The following TYW1 variants were observed in gnomAD, a reference collection of about 807,000 sequenced individuals.
TYW1 encodes tRNA-yW synthesizing protein 1 homolog.
Under a neutral mutation model 96.2 loss-of-function variants are expected in TYW1, and 46 were observed. The observed-to-expected ratio is 0.48, with a 90% CI of 0.38 to 0.61. The LOEUF (loss-of-function observed/expected upper bound fraction) is 0.61, where lower values mean the gene tolerates loss of function less well. TYW1 is among the 20% of genes least tolerant of loss of function. TYW1 has a pLI of 0.00. For synonymous variants in TYW1, 274 were observed against 323.0 expected (o/e 0.85, Z 1.63); for missense variants, 684 against 909.6 (o/e 0.75, Z 3.19).
At chr7:67,181,514 A>T (rs1799841242) in intron 13 of TYW1, among the ~76,000 whole-genome samples, 1 of 152,144 alleles carries the variant, frequency 6.6e-6, no homozygotes, top group African/African-American at 2.4e-5. Context: ...TCTTCAATGA[A>T]GGTCTCAAGT....
At chr7:67,006,143 A>C (rs1398303769) in intron 3 of TYW1, among the ~76,000 whole-genome samples, 2 of 152,002 alleles carry the variant, frequency 1.3e-5, no homozygotes, top group African/African-American at 4.8e-5. Flanking sequence ...AGGTGCTTAG[A>C]TCTTGAGGGC....
At chr7:67,207,717 CTTTTTTTTTTT>C (rs749961615) in intron 15 of TYW1, among the ~76,000 whole-genome samples, 2 of 103,462 alleles carry the variant, frequency 1.9e-5, no homozygotes, top group African/African-American at 3.5e-5. Context: ...TTTTGTTTGC[CTTTTTTTTTTT>C]TTTTTTTTTG....
chr7:67,146,220 A>T (rs1420061911), intron 13 of TYW1, among the ~76,000 whole-genome samples: 1 of 152,150 alleles, frequency 6.6e-6, no homozygotes, highest in Non-Finnish European at 1.5e-5. Context: ...TTTCTTCATA[A>T]TGATAGATTG....
At chr7:67,079,468 T>G (rs1313628691) in intron 10 of TYW1, among the ~76,000 whole-genome samples, 1 of 149,778 alleles carries the variant, frequency 6.7e-6, no homozygotes, top group Non-Finnish European at 1.5e-5. Flanking sequence ...TTTTTTTGTT[T>G]CTGATTATAT....
chr7:67,164,952 C>T (rs1453388940), intron 13 of TYW1, among the ~76,000 whole-genome samples: 1 of 151,586 alleles, frequency 6.6e-6, no homozygotes, highest in Non-Finnish European at 1.5e-5. Context: ...TTCATCATGT[C>T]CATAGGCTAC....
chr7:67,154,969 CT>C (rs1208008169), intron 13 of TYW1, among the ~76,000 whole-genome samples: 1 of 152,050 alleles, frequency 6.6e-6, no homozygotes, highest in African/African-American at 2.4e-5. Flanking sequence ...TGTTGATGCT[CT>C]TGATTTTATT....
At chr7:67,087,004 G>A (rs2115794200) in intron 11 of TYW1, among the ~76,000 whole-genome samples, 1 of 152,272 alleles carries the variant, frequency 6.6e-6, no homozygotes, top group South Asian at 2.1e-4. Flanking sequence ...AATGAACTGT[G>A]TCTCGGGCAG....
At chr7:67,075,887 C>A (rs777121000) in intron 10 of TYW1, among the ~76,000 whole-genome samples, 8 of 152,192 alleles carry the variant, frequency 5.3e-5, no homozygotes, top group Non-Finnish European at 1.2e-4. Flanking sequence ...ATAGTAACTT[C>A]TCTTAGAAGC....
intron 12 of TYW1, chr7:67,114,443 T>C (rs1797527028): frequency 6.5e-6 from 1 of 152,746 alleles, no homozygotes; most frequent in African/African-American, 2.4e-5. Context: ...CACATTTTTA[T>C]ATATGATAAT....
chr7:67,069,233 A>G (rs1262139410), intron 10 of TYW1, among the ~76,000 whole-genome samples: 1 of 152,172 alleles, frequency 6.6e-6, no homozygotes, highest in Non-Finnish European at 1.5e-5. Context: ...AATGGGATTG[A>G]CTATTTTGAA....
chr7:67,045,020 T>G (rs1433508307), intron 7 of TYW1, among the ~76,000 whole-genome samples: 3 of 152,164 alleles, frequency 2.0e-5, no homozygotes, highest in Non-Finnish European at 2.9e-5. Context: ...AAATGTATGT[T>G]TTGGTAAGAA....
chr7:67,005,371 G>A (rs541253131), intron 3 of TYW1, among the ~76,000 whole-genome samples: 32 of 152,294 alleles, frequency 2.1e-4, no homozygotes, highest in African/African-American at 7.5e-4. Context: ...CAAGGCAGGT[G>A]GATCACTTGA....
chr7:67,111,439 G>A (rs1261022362), intron 12 of TYW1, among the ~76,000 whole-genome samples: 5 of 152,184 alleles, frequency 3.3e-5, no homozygotes, highest in Admixed American at 3.3e-4. Context: ...GACCTCAAGT[G>A]ATCTGCCCCT....
intron 9 of TYW1, among the ~76,000 whole-genome samples, chr7:67,065,119 G>A (rs1584517814): frequency 1.3e-5 from 2 of 152,260 alleles, no homozygotes; most frequent in East Asian, 1.9e-4. Context: ...TGGTCCTTTG[G>A]TGAAGCTACC....
intron 15 of TYW1, among the ~76,000 whole-genome samples, chr7:67,226,998 G>A (rs1307528119): frequency 6.6e-6 from 1 of 152,156 alleles, no homozygotes; most frequent in Admixed American, 6.5e-5. Flanking sequence ...TCACATAAAA[G>A]CCCTTGAGTG....
rs180739795 is a variant in TYW1, at chr7:67,135,662, G to A, written c.1698+18044G>A. Among the ~76,000 whole-genome samples, 568 of 150,062 alleles carry A rather than the reference G, an allele frequency of 3.8e-3. 8 individuals are homozygous for A. Among genetic ancestry groups the A allele is most frequent in the Admixed American group, 3.3e-3 (50 of 14,988 alleles). On this transcript the variant is annotated intron_variant, in intron 13 of 15. Transcript: ENST00000359626. The stretch of plus-strand genomic sequence containing the variant: ...TTTATGCTGAAGCATCCAAATAACT[G>A]AGTTTCTCTGTAAATAAAGGATCTG...
intron 9 of TYW1, among the ~76,000 whole-genome samples, chr7:67,066,031 A>C (rs773233429): frequency 1.6e-3 from 129 of 81,834 alleles, no homozygotes; most frequent in East Asian, 2.5e-3. Context: ...ACACACACAC[A>C]CCCACACCCC....
intron 13 of TYW1, among the ~76,000 whole-genome samples, chr7:67,141,671 T>C (rs535107686): frequency 1.4e-4 from 22 of 152,334 alleles, no homozygotes; most frequent in African/African-American, 5.1e-4. Flanking sequence ...GCCAAACCAC[T>C]GAACCTCTGT....
intron 7 of TYW1, among the ~76,000 whole-genome samples, chr7:67,041,656 A>T (rs1795027077): frequency 6.6e-6 from 1 of 152,112 alleles, no homozygotes; most frequent in African/African-American, 2.4e-5. Context: ...TTTCCGCGTG[A>T]TCATCCATGA....
Sources: allele counts gnomAD v4.1 joint callset (sites outside exome capture counted in the v4.1 genomes callset), GRCh38; gene constraint gnomAD v4.1.1; transcripts MANE v1.5; gene names NCBI Gene and HGNC (gene_info 2026-07-23, HGNC 2026-07-21).